WDR35: variants seen among roughly 807,000 people sequenced by gnomAD.
WDR35 encodes the protein WD repeat-containing protein 35.
WDR35 carries 118 observed loss-of-function variants against 158.3 expected under a neutral mutation model. The ratio of observed to expected loss-of-function variants is 0.75; its 90% confidence interval spans 0.64 to 0.87. WDR35 has a LOEUF of 0.87. Among genes scored for constraint, WDR35 ranks in the 40% least tolerant of loss-of-function variants. The pLI is 0.00. For synonymous variants in WDR35, 448 were observed against 476.1 expected (o/e 0.94, Z 0.77); for missense variants, 1,263 against 1,405.8 (o/e 0.90, Z 1.62).
intron 24 of WDR35, 131 bp downstream of exon 24, chr2:19,931,138 C>T (rs1670511263): frequency 9.5e-7 from 1 of 1,047,426 alleles, no homozygotes; most frequent in Non-Finnish European, 1.3e-6. Context: ...TCTTTTTCTT[C>T]ATATCATTTA....
At position 19,941,807 on chromosome 2, in the gene WDR35, A is replaced by G; in HGVS notation, c.1878T>C (p.Asn626=). The change falls in exon 17 of 27, where the codon AAT becomes AAC. Residue 626 remains asparagine, a synonymous_variant. Coordinates refer to ENST00000281405, the MANE Select transcript of WDR35 (RefSeq NM_020779.4). The part of the protein sequence containing the change: ...EPIQTSGYIC[N]FEDLEIKSVL... ...CAGATTTAATTTCTAAATCCTCAAA[A>G]TTACAAATATATCCAGAGGTCTGAA... The G allele has an allele frequency of 6.3e-7, 1 of 1,575,004 alleles. No individual in the cohort carries two copies.
rs557369975 is a variant in WDR35 at position 19,911,443 on chromosome 2, T to C, written c.*2115A>G. The C allele has an allele frequency of 1.3e-5, 2 of 152,362 alleles. No homozygotes were observed. The highest frequency in any genetic ancestry group is 4.8e-5 in the African/African-American group (2 of 41,580). The allele number at this position is 152,362 out of a possible 1,614,324, so 9.4% of individuals were successfully genotyped here. On this transcript the variant is annotated 3_prime_UTR_variant, in exon 27 of 27. Coordinates refer to ENST00000281405, the MANE Select transcript of WDR35 (RefSeq NM_020779.4). The stretch of plus-strand genomic sequence containing the variant: ...ACCCTGAACATTTCTCTTTCCTTGA[T>C]GAAGCAGAGAATAGTCTCATCCCTA...
chr2:19,942,250 C>T (rs189883228), intron 16 of WDR35, among the ~76,000 whole-genome samples: 98 of 152,168 alleles, frequency 6.4e-4, no homozygotes, highest in African/African-American at 2.1e-3. Context: ...TCATGCAATT[C>T]AATATTAAAG....
intron 13 of WDR35, 37 bp from the exon 14 acceptor site, chr2:19,948,254 C>T: frequency 1.3e-6 from 2 of 1,562,684 alleles, no homozygotes; most frequent in Non-Finnish European, 1.8e-6. Context: ...ATTCAACAAA[C>T]ATTTATTGAA....
chr2:19,940,502 G>A (rs1453728909), intron 17 of WDR35, among the ~76,000 whole-genome samples: 1 of 152,214 alleles, frequency 6.6e-6, no homozygotes, highest in Non-Finnish European at 1.5e-5. Context: ...ACAAGGACAA[G>A]AAAAGTGCTA....
chr2:19,974,157 TC>T (rs1213378374), intron 7 of WDR35, among the ~76,000 whole-genome samples: 1 of 151,624 alleles, frequency 6.6e-6, no homozygotes, highest in East Asian at 1.9e-4. Context: ...ACGCCTGTAA[TC>T]CCAGCACTTT....
chr2:19,966,240 T>C (rs537348972), intron 10 of WDR35, among the ~76,000 whole-genome samples: 26 of 152,286 alleles, frequency 1.7e-4, no homozygotes, highest in Admixed American at 6.5e-4. Flanking sequence ...AAGTTGTTAG[T>C]ATACTTTTTA....
chr2:19,936,437 G>C, intron 19 of WDR35, 72 bp from the exon 20 acceptor site: 9 of 1,606,052 alleles, frequency 5.6e-6, no homozygotes, highest in Non-Finnish European at 7.7e-6. Context: ...CTGTGTGTTA[G>C]GTACAGTTCT....
chr2:19,964,371 CT>C (rs1343157322), intron 10 of WDR35, among the ~76,000 whole-genome samples: 1 of 109,164 alleles, frequency 9.2e-6, no homozygotes, highest in Non-Finnish European at 1.9e-5. Flanking sequence ...TTTTTTCTTT[CT>C]TTTCTTTTCT....
intron 25 of WDR35, among the ~76,000 whole-genome samples, chr2:19,917,539 G>C (rs1172647964): frequency 6.6e-6 from 1 of 152,210 alleles, no homozygotes; most frequent in Non-Finnish European, 1.5e-5. Context: ...CCAGTTTAGA[G>C]AAGAACATAA....
At chr2:19,945,495 G>A (rs1313108251) in intron 16 of WDR35, among the ~76,000 whole-genome samples, 2 of 151,694 alleles carry the variant, frequency 1.3e-5, no homozygotes, top group Admixed American at 1.3e-4. Context: ...GTTTGACAAG[G>A]GAAAAAAAGA....
At chr2:19,986,521 T>C (rs919134243) in intron 2 of WDR35, among the ~76,000 whole-genome samples, 5 of 152,214 alleles carry the variant, frequency 3.3e-5, no homozygotes, top group African/African-American at 1.2e-4. Context: ...TTAAACATTC[T>C]GAATTCTCTT....
Position 19,913,664 on chromosome 2 carries a change from A to T in WDR35, c.3407T>A (p.Ile1136Asn), listed in dbSNP as rs1669902698. 3 of 1,614,026 alleles carry T rather than the reference A, an allele frequency of 1.9e-6. No homozygotes were observed. Among genetic ancestry groups the T allele is most frequent in the Non-Finnish European group, 8.5e-7 (1 of 1,180,000 alleles). Residue 1136 changes from isoleucine (I) to asparagine (N), a missense_variant, in exon 27 of 27, where the codon ATC becomes AAC. By Grantham distance (149) the Ile-to-Asn change is moderately radical. Transcript: ENST00000281405. ...LPTCVATGSPITEYQFWMCSV... is the reference protein window; with the variant it reads ...LPTCVATGSPNTEYQFWMCSV... The stretch of plus-strand genomic sequence containing the variant: ...GCACATCCAGAATTGATACTCAGTG[A>T]TTGGGCTTCCTGTGGCAACGCATGT...
intron 10 of WDR35, among the ~76,000 whole-genome samples, chr2:19,961,657 CA>C (rs1372986380): frequency 1.3e-5 from 2 of 152,284 alleles, no homozygotes; most frequent in Admixed American, 1.3e-4. Flanking sequence ...CCAGTCAAAG[CA>C]AAAGCAGACC....
chr2:19,966,596 G>C (rs1307994505), intron 10 of WDR35, 128 bp downstream of exon 10: 3 of 1,104,620 alleles, frequency 2.7e-6, no homozygotes, highest in African/African-American at 1.6e-5. Flanking sequence ...AATTGGTCTA[G>C]ACCAATAGTG....
intron 13 of WDR35, among the ~76,000 whole-genome samples, chr2:19,951,005 A>T (rs1227944513): frequency 6.6e-6 from 1 of 152,244 alleles, no homozygotes; most frequent in East Asian, 1.9e-4. Context: ...TAGTTTGTAA[A>T]CAGAAGCATA....
chr2:19,979,495 T>C (rs908362689), intron 4 of WDR35, among the ~76,000 whole-genome samples: 2 of 152,228 alleles, frequency 1.3e-5, no homozygotes, highest in Middle Eastern at 3.2e-3. Context: ...AATATTCTAG[T>C]TGTATGCAGG....
At chr2:19,971,151 A>G (rs1050521172) in intron 8 of WDR35, among the ~76,000 whole-genome samples, 12 of 152,214 alleles carry the variant, frequency 7.9e-5, no homozygotes, top group African/African-American at 2.9e-4. Context: ...TTTAATCTAT[A>G]TCTTTTATTT....
At chr2:19,923,211 C>T (rs1383758760) in intron 25 of WDR35, among the ~76,000 whole-genome samples, 1 of 152,138 alleles carries the variant, frequency 6.6e-6, no homozygotes, top group Non-Finnish European at 1.5e-5. Flanking sequence ...GTTTTTAATT[C>T]CTTTAGCACC....
Sources: gnomAD v4.1 joint callset for allele counts (sites outside exome capture counted in the v4.1 genomes callset) on GRCh38, gnomAD v4.1.1 for gene constraint, MANE v1.5 for transcripts, NCBI Gene and HGNC (gene_info 2026-07-23, HGNC 2026-07-21) for gene names.